The following MICAL3 variants were observed in gnomAD, a reference collection of about 807,000 sequenced individuals.
The protein encoded by MICAL3 is microtubule associated monooxygenase, calponin and LIM domain containing 3.
In MICAL3, 62 loss-of-function variants were observed where a neutral mutation model predicts 207.4. The ratio of observed to expected loss-of-function variants is 0.30; its 90% CI spans 0.24 to 0.37. MICAL3 has a LOEUF of 0.37. MICAL3 is among the 10% of genes least tolerant of loss of function. MICAL3 has a pLI of 1.00. For missense variants in MICAL3, 2,368 were observed against 2,635.6 expected, an observed-to-expected ratio of 0.90 and a Z score of 2.22; for synonymous variants, 1,077 against 1,069.3, an observed-to-expected ratio of 1.01 and a Z score of -0.14.
In MICAL3 at chr22:17,832,704, G is replaced by A. The variant is rs115073404; in HGVS notation, c.2802-597C>T. Among the ~76,000 whole-genome samples, 511 of 152,252 alleles carry A rather than the reference G, an allele frequency of 3.4e-3. 3 individuals carry two copies. Among genetic ancestry groups the A allele is most frequent in the African/African-American group, 0.011 (476 of 41,528 alleles). On this transcript the variant is annotated intron_variant, in intron 20 of 31. Coordinates refer to ENST00000441493, the MANE Select transcript of MICAL3 (RefSeq NM_015241.3). Reference sequence around the variant, plus strand: ...GAGGAACTCAATTCTGTGTGACTGCGGCCTGTCAGAAGCCTCTCAGGAGAG... The same window carrying A: ...GAGGAACTCAATTCTGTGTGACTGCAGCCTGTCAGAAGCCTCTCAGGAGAG...
chr22:17,941,871 T>G (rs2146338660), intron 1 of MICAL3, among the ~76,000 whole-genome samples: 1 of 152,144 alleles, frequency 6.6e-6, no homozygotes, highest in East Asian at 1.9e-4. Context: ...CATTCTAAAG[T>G]GCCTCCAGGG....
intron 29 of MICAL3, among the ~76,000 whole-genome samples, chr22:17,797,396 C>T (rs540888996): frequency 4.3e-4 from 66 of 152,158 alleles, no homozygotes; most frequent in African/African-American, 1.3e-3. Flanking sequence ...CAGGAGGCTA[C>T]GGTGGGAGGG....
At chr22:17,989,847 T>C (rs1173288323) in intron 1 of MICAL3, among the ~76,000 whole-genome samples, 7 of 152,196 alleles carry the variant, frequency 4.6e-5, no homozygotes, top group African/African-American at 1.7e-4. Context: ...ATATAATAGA[T>C]TTTCAAGAAG....
chr22:17,863,833 T>C (rs1926779783), intron 19 of MICAL3: 2 of 985,496 alleles, frequency 2.0e-6, no homozygotes, highest in Non-Finnish European at 2.4e-6. Flanking sequence ...TGTCCCACCA[T>C]GGAAATTCTA....
chr22:17,946,360 G>C (rs1934066601), intron 1 of MICAL3, among the ~76,000 whole-genome samples: 1 of 152,226 alleles, frequency 6.6e-6, no homozygotes, highest in Admixed American at 6.5e-5. Context: ...CACTCTGCCT[G>C]CAACCAGGAC....
chr22:17,954,321 G>C (rs756800502), intron 1 of MICAL3, among the ~76,000 whole-genome samples: 3 of 152,166 alleles, frequency 2.0e-5, no homozygotes, highest in Non-Finnish European at 4.4e-5. Context: ...AACACTGCAT[G>C]GACAAGTGGG....
chr22:17,872,083 C>T, intron 16 of MICAL3, 60 bp from the exon 17 acceptor site: 2 of 1,449,808 alleles, frequency 1.4e-6, no homozygotes, highest in African/African-American at 2.8e-5. Context: ...CACAGGCCCT[C>T]CTAGAGGCAC....
chr22:17,974,476 C>T (rs1935547497), intron 1 of MICAL3, among the ~76,000 whole-genome samples: 1 of 152,122 alleles, frequency 6.6e-6, no homozygotes, highest in African/African-American at 2.4e-5. Flanking sequence ...CTTTGGGAGG[C>T]CAAAGGAGGA....
chr22:17,982,193 C>G (rs192601230), intron 1 of MICAL3, among the ~76,000 whole-genome samples: 1 of 152,150 alleles, frequency 6.6e-6, no homozygotes, highest in African/African-American at 2.4e-5. Flanking sequence ...ATTCAGTACA[C>G]GAAAGGTGGT....
chr22:17,817,199 T>C (rs2146006307), intron 26 of MICAL3, 112 bp downstream of exon 26: 1 of 1,342,802 alleles, frequency 7.4e-7, no homozygotes, highest in African/African-American at 1.5e-5. Flanking sequence ...GCACGGCTCC[T>C]GAGAACCCTC....
chr22:17,795,734 T>G (rs1422673234), intron 29 of MICAL3, among the ~76,000 whole-genome samples: 1 of 152,240 alleles, frequency 6.6e-6, no homozygotes, highest in Admixed American at 6.5e-5. Flanking sequence ...GGCCGCTACC[T>G]TCGGACTTCC....
At chr22:17,944,020 C>T (rs550054695) in intron 1 of MICAL3, among the ~76,000 whole-genome samples, 1 of 152,226 alleles carries the variant, frequency 6.6e-6, no homozygotes, top group Admixed American at 6.5e-5. Flanking sequence ...CCTGCCAACA[C>T]TGACAGTGGA....
At position 17,858,443 on chromosome 22, in the gene MICAL3, G is replaced by C. The variant is rs138436159; in HGVS notation, c.2605+6456C>G. The C allele has an allele frequency of 1.0e-4, 99 of 985,196 alleles. No individual in the cohort carries two copies. The African/African-American group carries it at 1.6e-3, about 16-fold the overall frequency. 61.0% of individuals were successfully genotyped at this position (985,196 alleles called of 1,614,324 possible). On this transcript the variant is annotated intron_variant, in intron 19 of 31. Transcript: ENST00000441493. Reference sequence around the variant, plus strand: ...TCTAAAGGAGGTTTCAGGGCTTCGTGAAAGGGGCTGGAATTCGGAAAGACT... The same window carrying C: ...TCTAAAGGAGGTTTCAGGGCTTCGTCAAAGGGGCTGGAATTCGGAAAGACT...
intron 29 of MICAL3, among the ~76,000 whole-genome samples, chr22:17,791,924 G>A (rs750428281): frequency 1.3e-5 from 2 of 152,200 alleles, no homozygotes; most frequent in African/African-American, 4.8e-5. Flanking sequence ...CAGGATGGCC[G>A]CAGGGTTTCT....
At chr22:17,925,485 G>A (rs568442243) in intron 1 of MICAL3, among the ~76,000 whole-genome samples, 1 of 152,126 alleles carries the variant, frequency 6.6e-6, no homozygotes, top group Non-Finnish European at 1.5e-5. Flanking sequence ...AGACGATTAT[G>A]GTTCAGTCAG....
chr22:17,880,112 G>A lies in MICAL3; in HGVS notation c.2241+5766C>T, dbSNP rs145677656. On this transcript the variant is annotated intron_variant, in intron 16 of 31. Coordinates refer to ENST00000441493, the MANE Select transcript of MICAL3 (RefSeq NM_015241.3). Reference sequence around the variant, plus strand: ...GAAAAACAGCCCCAAGGCCTCTGACGTGGCTGCTCCTATCTAGCACCCGTG... The same window carrying A: ...GAAAAACAGCCCCAAGGCCTCTGACATGGCTGCTCCTATCTAGCACCCGTG... Among the ~76,000 whole-genome samples, 517 of 152,270 alleles carry A rather than the reference G, an allele frequency of 3.4e-3. 2 individuals carry two copies. Among genetic ancestry groups the A allele is most frequent in the South Asian group, 0.015 (71 of 4,810 alleles).
intron 2 of MICAL3, 53 bp downstream of exon 2, chr22:17,906,496 A>C: frequency 6.2e-7 from 1 of 1,612,054 alleles, no homozygotes. Flanking sequence ...GACGTTGTTG[A>C]GGGAGAAGGC....
intron 1 of MICAL3, among the ~76,000 whole-genome samples, chr22:17,982,878 AAC>A (rs1315082770): frequency 6.6e-6 from 1 of 152,188 alleles, no homozygotes; most frequent in Non-Finnish European, 1.5e-5. Context: ...TAAATCCTTC[AAC>A]AGTCTGACTG....
At chr22:17,838,947 C>T (rs1208978477) in intron 20 of MICAL3, among the ~76,000 whole-genome samples, 1 of 149,516 alleles carries the variant, frequency 6.7e-6, no homozygotes, top group Non-Finnish European at 1.5e-5. Context: ...AGCTCCTTCC[C>T]CTAGATGCTT....
Sources: gnomAD v4.1 joint callset for allele counts (sites outside exome capture counted in the v4.1 genomes callset) on GRCh38, gnomAD v4.1.1 for gene constraint, MANE v1.5 for transcripts, NCBI Gene and HGNC (gene_info 2026-07-23, HGNC 2026-07-21) for gene names.